The following WASF2 variants were observed in gnomAD, a reference collection of about 807,000 sequenced individuals.
The protein encoded by WASF2 is actin-binding protein WASF2.
In WASF2, 14 loss-of-function variants were observed where a neutral mutation model predicts 45.0. That is an observed-to-expected ratio of 0.31 (90% confidence interval 0.21 to 0.49). The LOEUF is 0.49. Among genes scored for constraint, WASF2 ranks in the 20% least tolerant of loss-of-function variants. WASF2 has a pLI of 0.99. For missense variants in WASF2, 439 were observed against 636.1 expected, an observed-to-expected ratio of 0.69 and a Z score of 3.33; for synonymous variants, 200 against 236.3, an observed-to-expected ratio of 0.85 and a Z score of 1.41.
chr1:27,425,209 C>T (rs986588912), intron 2 of WASF2, among the ~76,000 whole-genome samples: 1 of 152,214 alleles, frequency 6.6e-6, no homozygotes, highest in Non-Finnish European at 1.5e-5. Flanking sequence ...CAACCTTATC[C>T]TCCCAACCAG....
At chr1:27,438,064 CA>C (rs2017160061) in intron 1 of WASF2, among the ~76,000 whole-genome samples, 1 of 152,108 alleles carries the variant, frequency 6.6e-6, no homozygotes, top group African/African-American at 2.4e-5. Context: ...TGATGGTACC[CA>C]GAAATTTGAG....
intron 1 of WASF2, among the ~76,000 whole-genome samples, chr1:27,456,316 TAAA>T (rs61319408): frequency 0.52 from 49,567 of 95,520 alleles, 13,037 homozygotes; most frequent in Admixed American, 0.67. Context: ...AGCGAGACTC[TAAA>T]AAAAAAAAAA....
intron 1 of WASF2, among the ~76,000 whole-genome samples, chr1:27,442,742 C>A (rs556436073): frequency 4.0e-5 from 6 of 151,782 alleles, no homozygotes; most frequent in African/African-American, 1.5e-4. Flanking sequence ...GTGGCTCATA[C>A]CCATAATCCC....
At chr1:27,450,648 G>A (rs1006927407) in intron 1 of WASF2, among the ~76,000 whole-genome samples, 6 of 151,964 alleles carry the variant, frequency 3.9e-5, no homozygotes, top group Admixed American at 1.3e-4. Context: ...TTACAGGCAC[G>A]CGCCCCACGC....
At chr1:27,458,354 G>A (rs2017501376) in intron 1 of WASF2, among the ~76,000 whole-genome samples, 1 of 127,984 alleles carries the variant, frequency 7.8e-6, no homozygotes, top group African/African-American at 2.9e-5. Flanking sequence ...GATTTCCTAT[G>A]TCAAATAAAA....
intron 2 of WASF2, among the ~76,000 whole-genome samples, chr1:27,425,576 C>T (rs1354589666): frequency 2.0e-5 from 3 of 152,156 alleles, no homozygotes; most frequent in Admixed American, 6.5e-5. Context: ...CAGTGGCTCA[C>T]GCTTGTAATC....
intron 5 of WASF2, among the ~76,000 whole-genome samples, 194 bp downstream of exon 5, chr1:27,415,791 C>T (rs1339204055): frequency 6.6e-6 from 1 of 152,188 alleles, no homozygotes; most frequent in Non-Finnish European, 1.5e-5. Flanking sequence ...CTGGGGGGAA[C>T]AAACACATTT....
intron 2 of WASF2, among the ~76,000 whole-genome samples, chr1:27,422,957 G>A (rs984136471): frequency 2.0e-5 from 3 of 151,968 alleles, no homozygotes; most frequent in African/African-American, 7.3e-5. Flanking sequence ...TGGCCAACAT[G>A]GTGAAACCCT....
At chr1:27,443,260 C>G (rs1471947298) in intron 1 of WASF2, among the ~76,000 whole-genome samples, 1 of 148,380 alleles carries the variant, frequency 6.7e-6, no homozygotes, top group East Asian at 2.0e-4. Context: ...CGCTTGACTC[C>G]AGGAGTAAGA....
Position 27,408,123 on chromosome 1 carries a change from G to A in WASF2, c.*66C>T. The stretch of plus-strand genomic sequence containing the variant: ...CCTTTTCTCCCCCTACGGGTCTGTT[G>A]GGGTTGGCATCAAAGAAGGCAGGTA... On this transcript the variant is annotated 3_prime_UTR_variant, in exon 9 of 9. Coordinates refer to ENST00000618852, the MANE Select transcript of WASF2 (RefSeq NM_006990.5). 6.4e-7 allele frequency: 1 copy of A among 1,573,278 alleles called. No individual in the cohort carries two copies. The highest frequency in any genetic ancestry group is 8.7e-7 in the Non-Finnish European group (1 of 1,153,798).
chr1:27,405,573 T>C lies in WASF2; in HGVS notation c.*2616A>G, dbSNP rs1386716849. ...TACCTGCATTGGGTCCTTTATCATC[T>C]TAAAGGGCTCTGGGTCTAAAGAAGC... On this transcript the variant is annotated 3_prime_UTR_variant, in exon 9 of 9. Transcript: ENST00000618852. 2.0e-5 allele frequency: 3 copies of C among 148,526 alleles called. No homozygotes were observed. Among genetic ancestry groups the C allele is most frequent in the Admixed American group, 6.6e-5 (1 of 15,076 alleles). The allele number at this position is 148,526 out of a possible 1,614,324, so 9.2% of individuals were successfully genotyped here. A position where few individuals can be genotyped will look rare whatever the true frequency, so the allele number is the denominator to read the frequency against.
chr1:27,442,496 C>G (rs7551354), intron 1 of WASF2, among the ~76,000 whole-genome samples: 1 of 151,204 alleles, frequency 6.6e-6, no homozygotes. Context: ...GTGAACCAGA[C>G]TGTGCCACTG....
chr1:27,450,439 T>C (rs780672609), intron 1 of WASF2, among the ~76,000 whole-genome samples: 2 of 152,188 alleles, frequency 1.3e-5, no homozygotes, highest in Non-Finnish European at 2.9e-5. Flanking sequence ...CTCTCCTCAA[T>C]ACTTTTGTCC....
At position 27,414,802 on chromosome 1, in the gene WASF2, A is replaced by G. The variant is rs745459853; in HGVS notation, c.668+31T>C. ...CTGTTGTCCCCAGCCCCTTCAAAGA[A>G]TGCTACCAACAGTACAAAGGCATTA... On this transcript the variant is annotated intron_variant, in intron 6 of 8. Transcript: ENST00000618852. The surrounding 1 kb of genome is among the most constrained non-coding windows in gnomAD (Gnocchi z 4.1). 2 of 1,610,522 alleles carry G rather than the reference A, an allele frequency of 1.2e-6. No individual in the cohort carries two copies. The highest frequency in any genetic ancestry group is 4.5e-5 in the East Asian group (2 of 44,796).
At chr1:27,427,369 T>C (rs374138898) in intron 2 of WASF2, among the ~76,000 whole-genome samples, 1 of 152,220 alleles carries the variant, frequency 6.6e-6, no homozygotes, top group Admixed American at 6.5e-5. Flanking sequence ...TTCTTTGTCC[T>C]ATGAAGAAGG....
At position 27,409,713 on chromosome 1, in the gene WASF2, G is replaced by T; in HGVS notation, c.1318C>A (p.Leu440Met). The change falls in exon 8 of 9, where the codon CTG (leucine) becomes ATG (methionine). Residue 440 changes from leucine to methionine, a missense_variant. By Grantham distance (15) the Leu-to-Met change is conservative. Transcript: ENST00000618852. ...TTACCTTGACGGATGGCTGAAAGCA[G>T]GTCGCTACGGGCATCGCTCACGGCA... ...LPAVSDARSD[L>M]LSAIRQGFQL... 1 of 1,502,474 alleles carries T rather than the reference G, an allele frequency of 6.7e-7. No individual in the cohort carries two copies. Among genetic ancestry groups the T allele is most frequent in the Non-Finnish European group, 8.9e-7 (1 of 1,125,654 alleles). 93.1% of individuals were successfully genotyped at this position (1,502,474 alleles called of 1,614,324 possible). A position where few individuals can be genotyped will look rare whatever the true frequency, so the allele number is the denominator to read the frequency against.
intron 1 of WASF2, among the ~76,000 whole-genome samples, chr1:27,453,681 A>G (rs908006531): frequency 6.6e-6 from 1 of 151,590 alleles, no homozygotes; most frequent in African/African-American, 2.4e-5. Context: ...TCATGAAGTC[A>G]GGAGATTAAG....
rs539138340 is a variant in WASF2, at chr1:27,466,938, G to A, written c.-44+23048C>T. Among the ~76,000 whole-genome samples, 8 of 152,006 alleles carry A rather than the reference G, an allele frequency of 5.3e-5. No homozygotes were observed. The East Asian group carries it at 1.4e-3, about 26-fold the overall frequency. ...AAAATAATAAGACTTTTCAGGCTGGGGTGCGGTGGCTCACACTGGTAATCC... is the reference window on the plus strand; with the variant it reads ...AAAATAATAAGACTTTTCAGGCTGGAGTGCGGTGGCTCACACTGGTAATCC... On this transcript the variant is annotated intron_variant, in intron 1 of 8. Coordinates refer to ENST00000618852, the MANE Select transcript of WASF2 (RefSeq NM_006990.5).
intron 1 of WASF2, among the ~76,000 whole-genome samples, chr1:27,454,872 T>C (rs1455419442): frequency 6.6e-6 from 1 of 152,224 alleles, no homozygotes. Context: ...TGGGATTTTT[T>C]CTCCAGTTTG....
Sources: gnomAD v4.1 joint callset for allele counts (sites outside exome capture counted in the v4.1 genomes callset) on GRCh38, gnomAD v4.1.1 for gene constraint, Gnocchi (gnomAD v3.1) non-coding constraint, MANE v1.5 for transcripts, NCBI Gene and HGNC (gene_info 2026-07-23, HGNC 2026-07-21) for gene names.